The following ARFGEF2 variants were observed in gnomAD, a reference collection of about 807,000 sequenced individuals.
ARFGEF2 encodes the protein brefeldin A-inhibited guanine nucleotide-exchange protein 2.
In ARFGEF2, 74 loss-of-function variants were observed where a neutral mutation model predicts 219.9. The ratio of observed to expected loss-of-function variants is 0.34; its 90% CI spans 0.28 to 0.41. ARFGEF2 has a LOEUF of 0.41. ARFGEF2 is among the 10% of genes least tolerant of loss of function. The pLI, the probability that ARFGEF2 is intolerant of heterozygous loss-of-function variation, is 1.00. For synonymous variants in ARFGEF2, 733 were observed against 799.2 expected, an observed-to-expected ratio of 0.92 and a Z score of 1.40; for missense variants, 1,743 against 2,218.3, an observed-to-expected ratio of 0.79 and a Z score of 4.30.
In ARFGEF2 at chr20:48,992,889, T is replaced by A. The variant is rs906358918; in HGVS notation, c.2974-1562T>A. On this transcript the variant is annotated intron_variant, in intron 21 of 38. Coordinates refer to ENST00000371917, the MANE Select transcript of ARFGEF2 (RefSeq NM_006420.3). ...AAGACCCCATATCTTTAAAAAAAAA[T>A]TATTTTTTTAATTAGCTAGGCATGG... Among the ~76,000 whole-genome samples the A allele has an allele frequency of 7.3e-5, 11 of 151,594 alleles. No individual in the cohort carries two copies. In the South Asian group the frequency reaches 1.0e-3, roughly 14 times the overall value.
At chr20:48,973,084 G>T in intron 11 of ARFGEF2, 61 bp from the exon 12 acceptor site, 1 of 1,602,360 alleles carries the variant, frequency 6.2e-7, no homozygotes, top group South Asian at 1.1e-5. Flanking sequence ...CATCTTGTTT[G>T]ATAAGAAAAC....
intron 3 of ARFGEF2, among the ~76,000 whole-genome samples, chr20:48,945,790 G>C (rs112140215): frequency 0.016 from 2,371 of 152,298 alleles, 74 homozygotes; most frequent in South Asian, 0.092. Flanking sequence ...CTTGGGCCCA[G>C]GAGGTTGAGG....
At chr20:48,948,890 G>A (rs2091047437) in intron 3 of ARFGEF2, among the ~76,000 whole-genome samples, 1 of 152,152 alleles carries the variant, frequency 6.6e-6, no homozygotes, top group African/African-American at 2.4e-5. Context: ...GGAGATAGGG[G>A]GCAGTATCTA....
chr20:49,001,873 C>G (rs1184418891), intron 25 of ARFGEF2, among the ~76,000 whole-genome samples: 4 of 152,128 alleles, frequency 2.6e-5, no homozygotes, highest in Non-Finnish European at 5.9e-5. Flanking sequence ...TAACTTGTTT[C>G]TTCCACTTAG....
At position 48,988,595 on chromosome 20, in the gene ARFGEF2, A is replaced by T; in HGVS notation, c.2466A>T (p.Ile822=). The change falls in exon 18 of 39, where the codon ATA becomes ATT. Residue 822 remains isoleucine, a synonymous_variant. Transcript: ENST00000371917. ...ATCTCTCAAGCATCTATGAAGAGATAGAAGGCAAGAAAATTGCAATGAAAG... is the reference window on the plus strand; with the variant it reads ...ATCTCTCAAGCATCTATGAAGAGATTGAAGGCAAGAAAATTGCAATGAAAG... ...EEYLSSIYEE[I]EGKKIAMKET... 1 of 1,613,946 alleles carries T rather than the reference A, an allele frequency of 6.2e-7. No individual in the cohort carries two copies. Among genetic ancestry groups the T allele is most frequent in the Middle Eastern group, 1.7e-4 (1 of 6,054 alleles).
At chr20:48,929,998 T>C (rs943055082) in intron 1 of ARFGEF2, among the ~76,000 whole-genome samples, 1 of 152,222 alleles carries the variant, frequency 6.6e-6, no homozygotes, top group Non-Finnish European at 1.5e-5. Flanking sequence ...TTTGGACCAC[T>C]GTGTTCAGAA....
intron 3 of ARFGEF2, among the ~76,000 whole-genome samples, chr20:48,943,061 C>T (rs2091003974): frequency 1.3e-5 from 2 of 152,160 alleles, no homozygotes; most frequent in African/African-American, 2.4e-5. Context: ...CATCAGCACA[C>T]CCTCGGGGTC....
At chr20:48,923,635 C>T (rs2090857616) in intron 1 of ARFGEF2, among the ~76,000 whole-genome samples, 1 of 152,224 alleles carries the variant, frequency 6.6e-6, no homozygotes, top group South Asian at 2.1e-4. Flanking sequence ...GTTTGTTAGG[C>T]AAGAGCCTGG....
intron 11 of ARFGEF2, 141 bp downstream of exon 11, chr20:48,972,566 C>T (rs1475246496): frequency 1.3e-6 from 1 of 745,966 alleles, no homozygotes; most frequent in Non-Finnish European, 2.3e-6. Context: ...TCCTGCCCCA[C>T]CTCTCCTTTT....
chr20:49,023,210 T>A, intron 35 of ARFGEF2, 29 bp downstream of exon 35: 1 of 1,613,512 alleles, frequency 6.2e-7, no homozygotes, highest in Non-Finnish European at 8.5e-7. Flanking sequence ...AGGAAGAGCA[T>A]CCCTGTCCAT....
intron 25 of ARFGEF2, among the ~76,000 whole-genome samples, chr20:48,999,746 TAAAAAAAAAAAA>T (rs761792091): frequency 3.7e-4 from 41 of 111,406 alleles, no homozygotes; most frequent in African/African-American, 1.3e-3. Flanking sequence ...GACTCCGTCT[TAAAAAAAAAAAA>T]AAAAAAAAAA....
intron 25 of ARFGEF2, among the ~76,000 whole-genome samples, chr20:49,004,311 G>A (rs561181138): frequency 9.2e-5 from 14 of 151,652 alleles, no homozygotes; most frequent in Admixed American, 5.9e-4. Context: ...TTGCCAGCCT[G>A]GGCAACAGAG....
intron 20 of ARFGEF2, among the ~76,000 whole-genome samples, chr20:48,990,385 T>C (rs2091351065): frequency 1.3e-5 from 2 of 152,242 alleles, no homozygotes; most frequent in African/African-American, 4.8e-5. Flanking sequence ...TGAATATGTC[T>C]GTAAACCTTT....
intron 1 of ARFGEF2, among the ~76,000 whole-genome samples, chr20:48,929,917 G>A (rs2090902796): frequency 6.6e-6 from 1 of 152,200 alleles, no homozygotes; most frequent in African/African-American, 2.4e-5. Context: ...AAGGCAGTGA[G>A]ATGACACTGA....
intron 23 of ARFGEF2, 38 bp from the exon 24 acceptor site, chr20:48,998,155 C>G (rs572945987): frequency 6.2e-7 from 1 of 1,601,586 alleles, no homozygotes; most frequent in Admixed American, 1.7e-5. Flanking sequence ...CCACCACACC[C>G]GGTCTAATGT....
chr20:48,936,200 G>C (rs1372550280), intron 1 of ARFGEF2, among the ~76,000 whole-genome samples: 1 of 144,820 alleles, frequency 6.9e-6, no homozygotes, highest in Admixed American at 6.7e-5. Flanking sequence ...AGGGGCGGCC[G>C]GGCAGAGGCG....
chr20:48,971,716 A>G (rs1244242026), intron 10 of ARFGEF2, among the ~76,000 whole-genome samples: 2 of 152,132 alleles, frequency 1.3e-5, no homozygotes, highest in Non-Finnish European at 2.9e-5. Context: ...CCTGGCTAAC[A>G]TGGTGAAACC....
intron 1 of ARFGEF2, among the ~76,000 whole-genome samples, chr20:48,925,199 C>G (rs8114245): frequency 6.6e-6 from 1 of 152,134 alleles, no homozygotes; most frequent in South Asian, 2.1e-4. Flanking sequence ...CTCAATGATT[C>G]GTCCGCACTA....
intron 28 of ARFGEF2, among the ~76,000 whole-genome samples, chr20:49,012,942 G>T (rs1480114157): frequency 2.0e-5 from 3 of 152,132 alleles, no homozygotes; most frequent in Admixed American, 6.6e-5. Flanking sequence ...GAGCAGAGGG[G>T]TCAAAATCCC....
Sources: gnomAD v4.1 joint callset for allele counts (sites outside exome capture counted in the v4.1 genomes callset) on GRCh38, gnomAD v4.1.1 for gene constraint, MANE v1.5 for transcripts, NCBI Gene and HGNC (gene_info 2026-07-23, HGNC 2026-07-21) for gene names.